DRC7: variants seen among roughly 807,000 people sequenced by gnomAD.
DRC7 encodes the protein dynein regulatory complex subunit 7.
In DRC7, 80 loss-of-function variants were observed where a neutral mutation model predicts 104.4. That is an observed-to-expected ratio of 0.77 (90% confidence interval 0.64 to 0.92). The LOEUF is 0.92. Ranked by LOEUF, DRC7 falls within the 40% of genes least tolerant of loss-of-function variation. DRC7 has a pLI of 0.00. For synonymous variants in DRC7, 405 were observed against 447.3 expected, an observed-to-expected ratio of 0.91 and a Z score of 1.19; for missense variants, 1,034 against 1,141.1, an observed-to-expected ratio of 0.91 and a Z score of 1.35.
chr16:57,726,392 C>A (rs892591460), intron 14 of DRC7, 109 bp downstream of exon 14: 4 of 902,992 alleles, frequency 4.4e-6, no homozygotes, highest in South Asian at 1.6e-5. Flanking sequence ...TGAATCCCGG[C>A]GAGGAAATTC....
At chr16:57,702,552 A>G (rs2048671207) in intron 6 of DRC7, among the ~76,000 whole-genome samples, 2 of 152,224 alleles carry the variant, frequency 1.3e-5, no homozygotes, top group Admixed American at 6.5e-5. Flanking sequence ...TAATCCCAGC[A>G]CTTTGGGAGT....
chr16:57,709,395 A>G (rs1446841181), intron 8 of DRC7, among the ~76,000 whole-genome samples: 3 of 152,194 alleles, frequency 2.0e-5, no homozygotes, highest in Non-Finnish European at 2.9e-5. Flanking sequence ...TCCTTGTCTC[A>G]GTCCTGATTC....
At chr16:57,705,882 C>A (rs1289031121) in intron 7 of DRC7, among the ~76,000 whole-genome samples, 1 of 145,956 alleles carries the variant, frequency 6.9e-6, no homozygotes, top group Admixed American at 6.8e-5. Flanking sequence ...TCCCATCCAT[C>A]CATCATCCCA....
In DRC7 at chr16:57,731,384, A is replaced by G. The variant is rs2049060484; in HGVS notation, c.*126A>G. ...AGACACCTGGCCTCACTGCCAGCCC[A>G]CCTCCCCTACAGCCCTGTTTGTTCC... On this transcript the variant is annotated 3_prime_UTR_variant, in exon 19 of 19. Transcript: ENST00000360716. 8 of 666,272 alleles carry G rather than the reference A, an allele frequency of 1.2e-5. No individual in the cohort carries two copies. The East Asian group carries it at 2.2e-4, about 18-fold the overall frequency. 41.3% of individuals were successfully genotyped at this position (666,272 alleles called of 1,614,324 possible). A position where few individuals can be genotyped will look rare whatever the true frequency, so the allele number is the denominator to read the frequency against.
intron 14 of DRC7, chr16:57,726,530 A>G: frequency 1.8e-6 from 1 of 569,238 alleles, no homozygotes; most frequent in Non-Finnish European, 3.1e-6. Flanking sequence ...AGTCCTGGTC[A>G]GGGCAAACCT....
Position 57,724,724 on chromosome 16 carries a change from A to T in DRC7, c.1647A>T (p.Thr549=), listed in dbSNP as rs1387949769. 2.5e-6 allele frequency: 4 copies of T among 1,613,936 alleles called. No individual in the cohort carries two copies. Among genetic ancestry groups the T allele is most frequent in the Non-Finnish European group, 3.4e-6 (4 of 1,180,012 alleles). Residue 549 remains threonine (T), a synonymous_variant, in exon 13 of 19, where the codon ACA becomes ACT. Transcript: ENST00000360716. ...MKREETPRTM[T]EYYQGRPDFL... ...GGGAGGAGACACCCAGGACAATGAC[A>T]GAGTACTATCAAGGACGCCCAGACT...
At chr16:57,707,867 GTC>G in intron 8 of DRC7, 189 bp downstream of exon 8, 1 of 616,638 alleles carries the variant, frequency 1.6e-6, no homozygotes, top group Non-Finnish European at 2.9e-6. Flanking sequence ...TACGATTATT[GTC>G]TCTCCTGATT....
At chr16:57,716,027 G>T (rs1055453943) in intron 8 of DRC7, among the ~76,000 whole-genome samples, 1 of 152,214 alleles carries the variant, frequency 6.6e-6, no homozygotes, top group Admixed American at 6.5e-5. Context: ...GGTTGGAGGA[G>T]GATGGCAAGG....
chr16:57,701,647 T>TA (rs1239086392), intron 5 of DRC7: 1 of 323,298 alleles, frequency 3.1e-6, no homozygotes, highest in Non-Finnish European at 5.7e-6. Flanking sequence ...ACAGTAAACT[T>TA]ACCAGTCAGA....
At chr16:57,723,979 G>T (rs1183203635) in intron 12 of DRC7, among the ~76,000 whole-genome samples, 1 of 152,092 alleles carries the variant, frequency 6.6e-6, no homozygotes, top group Non-Finnish European at 1.5e-5. Context: ...CAGCAGATTG[G>T]AACTTTTCTG....
Position 57,706,244 on chromosome 16 carries a change from C to T in DRC7, c.858+1210C>T, listed in dbSNP as rs1380184415. Among the ~76,000 whole-genome samples, 3 of 142,008 alleles carry T rather than the reference C, an allele frequency of 2.1e-5. No individual in the cohort carries two copies. The East Asian group carries it at 6.7e-4, about 32-fold the overall frequency. 93.2% of individuals were successfully genotyped at this position (142,008 alleles called of 152,430 possible). On this transcript the variant is annotated intron_variant, in intron 7 of 18. Coordinates refer to ENST00000360716, the MANE Select transcript of DRC7 (RefSeq NM_001289162.2). ...TCCATCCATCCTCCCACCCACCCTC[C>T]CATCCGTCCATCCTCCCAACTATCC...
chr16:57,698,703 G>A lies in DRC7; in HGVS notation c.204-147G>A. On this transcript the variant is annotated intron_variant, in intron 3 of 18. Coordinates refer to ENST00000360716, the MANE Select transcript of DRC7 (RefSeq NM_001289162.2). ...AGACCTGTCTCTTAAATATATATATGAAAATGTGCAGATGTTAATGATACC... is the reference window on the plus strand; with the variant it reads ...AGACCTGTCTCTTAAATATATATATAAAAATGTGCAGATGTTAATGATACC... 3 of 745,222 alleles carry A rather than the reference G, an allele frequency of 4.0e-6. No homozygotes were observed. In the East Asian group the frequency reaches 7.6e-5, roughly 19 times the overall value. The allele number at this position is 745,222 out of a possible 1,614,324, so 46.2% of individuals were successfully genotyped here. A position where few individuals can be genotyped will look rare whatever the true frequency, so the allele number is the denominator to read the frequency against.
intron 7 of DRC7, among the ~76,000 whole-genome samples, chr16:57,705,515 T>C (rs2048704226): frequency 7.1e-6 from 1 of 140,964 alleles, no homozygotes; most frequent in African/African-American, 2.7e-5. Context: ...CAACCTTCCA[T>C]CCATCCATCC....
intron 3 of DRC7, 139 bp from the exon 4 acceptor site, chr16:57,698,711 G>T: frequency 1.3e-6 from 1 of 774,220 alleles, no homozygotes; most frequent in East Asian, 2.5e-5. Flanking sequence ...ATGAAAATGT[G>T]CAGATGTTAA....
At chr16:57,716,716 A>C (rs2048847753) in intron 8 of DRC7, among the ~76,000 whole-genome samples, 1 of 152,092 alleles carries the variant, frequency 6.6e-6, no homozygotes, top group African/African-American at 2.4e-5. Context: ...CATGACAGTG[A>C]GTACTAGGCT....
chr16:57,708,554 C>T (rs2048757954), intron 8 of DRC7, among the ~76,000 whole-genome samples: 1 of 152,160 alleles, frequency 6.6e-6, no homozygotes, highest in South Asian at 2.1e-4. Flanking sequence ...AATAATGCCG[C>T]CATGAATATT....
rs574446320 is a variant in DRC7, at chr16:57,728,373, G to A, written c.2197-17G>A. On this transcript the variant is annotated splice_polypyrimidine_tract_variant and intron_variant, in intron 16 of 18. Coordinates refer to ENST00000360716, the MANE Select transcript of DRC7 (RefSeq NM_001289162.2). The stretch of plus-strand genomic sequence containing the variant: ...GTAGTTCCTGCTGATCCAGCTATCT[G>A]CCCCTCACCTTTACAGGAGCGCATG... 3.2e-6 allele frequency: 5 copies of A among 1,562,970 alleles called. No individual in the cohort carries two copies. In the Admixed American group the frequency reaches 5.4e-5, roughly 17 times the overall value.
intron 8 of DRC7, chr16:57,714,874 G>T: frequency 6.2e-6 from 2 of 324,586 alleles, no homozygotes; most frequent in South Asian, 2.7e-5. Context: ...ACAAAAAGAG[G>T]GAAATATGAG....
chr16:57,704,558 G>A (rs2048692443), intron 6 of DRC7, among the ~76,000 whole-genome samples: 1 of 152,188 alleles, frequency 6.6e-6, no homozygotes, highest in Admixed American at 6.5e-5. Context: ...GATTGAAGAG[G>A]AGAAAGCCAC....
Sources: allele counts gnomAD v4.1 joint callset (sites outside exome capture counted in the v4.1 genomes callset), GRCh38; gene constraint gnomAD v4.1.1; transcripts MANE v1.5; gene names NCBI Gene and HGNC (gene_info 2026-07-23, HGNC 2026-07-21).